The following TSHZ3 variants were observed in gnomAD, a reference collection of about 807,000 sequenced individuals.
TSHZ3 encodes teashirt homolog 3.
In TSHZ3, 10 loss-of-function variants were observed where a neutral mutation model predicts 64.5. That is an observed-to-expected ratio of 0.16 (90% confidence interval 0.10 to 0.26). The LOEUF is 0.26. TSHZ3 is among the 10% of genes least tolerant of loss of function. TSHZ3 has a pLI of 1.00. For synonymous variants in TSHZ3, 608 were observed against 593.1 expected, an observed-to-expected ratio of 1.03 and a Z score of -0.36; for missense variants, 1,242 against 1,421.7, an observed-to-expected ratio of 0.87 and a Z score of 2.03.
intron 5 of TSHZ3, among the ~76,000 whole-genome samples, chr19:31,157,899 G>C (rs1385636517): frequency 6.6e-6 from 1 of 152,226 alleles, no homozygotes; most frequent in Non-Finnish European, 1.5e-5. Context: ...GGCATAGGCT[G>C]CTTCTAAGAC....
chr19:31,174,317 C>T (rs73552073), intron 5 of TSHZ3, among the ~76,000 whole-genome samples: 200 of 152,328 alleles, frequency 1.3e-3, no homozygotes, highest in African/African-American at 4.5e-3. Flanking sequence ...CAGTGTCCCA[C>T]CTCCATCAGT....
At chr19:31,261,811 T>C (rs559874373) in intron 1 of TSHZ3, among the ~76,000 whole-genome samples, 4 of 152,172 alleles carry the variant, frequency 2.6e-5, no homozygotes, top group Non-Finnish European at 5.9e-5. Flanking sequence ...CTGTGGTTTC[T>C]CTCTCAAGGC....
chr19:31,304,123 C>T (rs1163799168), intron 1 of TSHZ3, among the ~76,000 whole-genome samples: 1 of 152,084 alleles, frequency 6.6e-6, no homozygotes, highest in Non-Finnish European at 1.5e-5. Flanking sequence ...TACAGGCGCG[C>T]ACCACCACGC....
At chr19:31,215,460 C>G (rs1975313811) in intron 4 of TSHZ3, among the ~76,000 whole-genome samples, 1 of 152,212 alleles carries the variant, frequency 6.6e-6, no homozygotes, top group South Asian at 2.1e-4. Context: ...CAAGAAATAT[C>G]AGAAATAGGG....
intron 1 of TSHZ3, among the ~76,000 whole-genome samples, chr19:31,332,422 C>A (rs2145184041): frequency 6.6e-6 from 1 of 152,284 alleles, no homozygotes; most frequent in South Asian, 2.1e-4. Flanking sequence ...GCCATTTTCA[C>A]TTACTGAATA....
At chr19:31,344,766 C>T (rs1020281726) in intron 1 of TSHZ3, among the ~76,000 whole-genome samples, 11 of 152,228 alleles carry the variant, frequency 7.2e-5, no homozygotes, top group African/African-American at 2.7e-4. Context: ...TTAATTCTCT[C>T]AACTCACCTG....
intron 1 of TSHZ3, among the ~76,000 whole-genome samples, chr19:31,301,350 C>A (rs1269628025): frequency 2.0e-5 from 3 of 152,100 alleles, no homozygotes; most frequent in Admixed American, 2.0e-4. Context: ...TGTAGCCAGC[C>A]CCACACATCT....
downstream of TSHZ3, among the ~76,000 whole-genome samples, chr19:31,270,451 G>A (rs948076631): frequency 2.0e-5 from 3 of 152,128 alleles, no homozygotes; most frequent in African/African-American, 7.2e-5. Flanking sequence ...GATTACAGGT[G>A]CACGCCACCA....
chr19:31,178,167 G>A (rs753710783), intron 5 of TSHZ3, among the ~76,000 whole-genome samples: 2 of 152,166 alleles, frequency 1.3e-5, no homozygotes, highest in African/African-American at 2.4e-5. Context: ...AGATATGATC[G>A]TTCTTTTTGT....
At chr19:31,224,081 C>A (rs117267526) in intron 4 of TSHZ3, among the ~76,000 whole-genome samples, 1 of 152,164 alleles carries the variant, frequency 6.6e-6, no homozygotes, top group Non-Finnish European at 1.5e-5. Flanking sequence ...GCATGGAATC[C>A]GGTAGGAGTA....
At chr19:31,176,822 C>A (rs78476333) in intron 5 of TSHZ3, among the ~76,000 whole-genome samples, 2,136 of 151,984 alleles carry the variant, frequency 0.014, 52 homozygotes, top group African/African-American at 0.05. Context: ...ACAACAACAA[C>A]AACAAAAAAC....
At chr19:31,242,421 T>C (rs1185010423) in exon 3 of TSHZ3, among the ~76,000 whole-genome samples, 2 of 152,258 alleles carry the variant, frequency 1.3e-5, no homozygotes, top group East Asian at 3.9e-4. Context: ...CCTGAAAACC[T>C]GGGGCAGGGG....
At chr19:31,235,368 G>A (rs1599597505) in intron 3 of TSHZ3, among the ~76,000 whole-genome samples, 1 of 150,966 alleles carries the variant, frequency 6.6e-6, no homozygotes, top group East Asian at 2.0e-4. Context: ...CCCAACCCCT[G>A]ATAGGCACCA....
Position 31,349,337 on chromosome 19 carries a change from C to G in TSHZ3, c.-118G>C, listed in dbSNP as rs970256956. 9.1e-5 allele frequency: 91 copies of G among 1,001,770 alleles called. No individual in the cohort carries two copies. The highest frequency in any genetic ancestry group is 8.6e-4 in the East Asian group (26 of 30,222). The allele number at this position is 1,001,770 out of a possible 1,614,324, so 62.1% of individuals were successfully genotyped here. ...GGCGGGCCTGCTCTCAGCCTCCCCC[C>G]CGGAGAGCGGCCGCCCGCAGGATGC... On this transcript the variant is annotated 5_prime_UTR_variant, in exon 1 of 2. Transcript: ENST00000240587.
chr19:31,244,213 G>A (rs1975730996), intron 1 of TSHZ3, among the ~76,000 whole-genome samples: 1 of 152,112 alleles, frequency 6.6e-6, no homozygotes, highest in Non-Finnish European at 1.5e-5. Context: ...GGATCTTGGG[G>A]GCGGATTTCC....
Position 31,275,437 on chromosome 19 carries a change from T to C in TSHZ3, c.*1110A>G, listed in dbSNP as rs1022751815. The C allele has an allele frequency of 4.6e-5, 7 of 152,402 alleles. No homozygotes were observed. The highest frequency in any genetic ancestry group is 5.9e-5 in the Non-Finnish European group (4 of 67,974). The allele number at this position is 152,402 out of a possible 1,614,324, so 9.4% of individuals were successfully genotyped here. On this transcript the variant is annotated 3_prime_UTR_variant, in exon 2 of 2. Coordinates refer to ENST00000240587, the MANE Select transcript of TSHZ3 (RefSeq NM_020856.4). ...GAAATACAGTACAAGTTCTTTTTTT[T>C]TTTTTGTTCTTTTTTTTAACCTTTT...
intron 1 of TSHZ3, among the ~76,000 whole-genome samples, chr19:31,339,553 G>T (rs1917363960): frequency 6.6e-6 from 1 of 152,164 alleles, no homozygotes; most frequent in Non-Finnish European, 1.5e-5. Flanking sequence ...CCGTAGTCTG[G>T]CTGGGGCCCA....
In TSHZ3 at chr19:31,275,951, T is replaced by C. The variant is rs1373091379; in HGVS notation, c.*596A>G. ...TTTTCATAAGAGAGTCTGAAATCTATACAATATATACATCTATGTTTCAAT... is the reference window on the plus strand; with the variant it reads ...TTTTCATAAGAGAGTCTGAAATCTACACAATATATACATCTATGTTTCAAT... On this transcript the variant is annotated 3_prime_UTR_variant, in exon 2 of 2. Transcript: ENST00000240587. 1 of 152,740 alleles carries C rather than the reference T, an allele frequency of 6.5e-6. No homozygotes were observed. Among genetic ancestry groups the C allele is most frequent in the Admixed American group, 6.5e-5 (1 of 15,300 alleles). The allele number at this position is 152,740 out of a possible 1,614,324, so 9.5% of individuals were successfully genotyped here. A position where few individuals can be genotyped will look rare whatever the true frequency, so the allele number is the denominator to read the frequency against.
intron 1 of TSHZ3, among the ~76,000 whole-genome samples, chr19:31,292,009 G>A (rs905142175): frequency 6.6e-6 from 1 of 152,154 alleles, no homozygotes; most frequent in East Asian, 1.9e-4. Context: ...TGTGGGTGCC[G>A]TATTCCCATT....
Sources: allele counts gnomAD v4.1 joint callset (sites outside exome capture counted in the v4.1 genomes callset), GRCh38; gene constraint gnomAD v4.1.1; transcripts MANE v1.5; gene names NCBI Gene and HGNC (gene_info 2026-07-23, HGNC 2026-07-21).